LNPK: variants seen among roughly 807,000 people sequenced by gnomAD.
LNPK encodes the protein endoplasmic reticulum junction formation protein lunapark.
In LNPK, 29 loss-of-function variants were observed where a neutral mutation model predicts 55.2. The ratio of observed to expected loss-of-function variants is 0.53; its 90% CI spans 0.39 to 0.72. LNPK has a LOEUF of 0.72. Among genes scored for constraint, LNPK ranks in the 30% least tolerant of loss-of-function variants. LNPK has a pLI of 0.00. For missense variants in LNPK, 467 were observed against 494.8 expected, an observed-to-expected ratio of 0.94 and a Z score of 0.53; for synonymous variants, 162 against 168.2, an observed-to-expected ratio of 0.96 and a Z score of 0.29.
rs1684174745 is a variant in LNPK at position 175,929,813 on chromosome 2, T to C, written c.*154A>G. The stretch of plus-strand genomic sequence containing the variant: ...TTTTAATTTTAATACCCAGTATATA[T>C]AACTTTGAGATGTTCAAATAGCTAG... On this transcript the variant is annotated 3_prime_UTR_variant, in exon 13 of 13. Coordinates refer to ENST00000272748, the MANE Select transcript of LNPK (RefSeq NM_030650.3). 8 of 1,448,382 alleles carry C rather than the reference T, an allele frequency of 5.5e-6. No homozygotes were observed. Among genetic ancestry groups the C allele is most frequent in the Middle Eastern group, 3.8e-4 (2 of 5,216 alleles). 89.7% of individuals were successfully genotyped at this position (1,448,382 alleles called of 1,614,324 possible).
At chr2:175,949,058 T>C (rs1028725000) in intron 8 of LNPK, among the ~76,000 whole-genome samples, 3 of 152,198 alleles carry the variant, frequency 2.0e-5, no homozygotes, top group Admixed American at 6.5e-5. Context: ...ACAGTTTTTG[T>C]ACACAACTAA....
intron 9 of LNPK, chr2:175,940,887 T>C (rs1684803911): frequency 7.6e-6 from 3 of 392,342 alleles, no homozygotes; most frequent in South Asian, 1.8e-5. Context: ...CCACAGATTA[T>C]GTGTACAACA....
chr2:175,945,143 C>G (rs1390578070), intron 9 of LNPK, among the ~76,000 whole-genome samples: 6 of 151,642 alleles, frequency 4.0e-5, no homozygotes, highest in Admixed American at 3.9e-4. Context: ...AGGTGATCTG[C>G]CCATCTCCGC....
intron 4 of LNPK, among the ~76,000 whole-genome samples, chr2:175,988,808 C>T (rs1467402562): frequency 6.6e-6 from 1 of 152,110 alleles, no homozygotes; most frequent in Non-Finnish European, 1.5e-5. Flanking sequence ...ATTTTTGAGT[C>T]TGTCGCCCAG....
Position 175,948,365 on chromosome 2 carries a change from T to C in LNPK, c.494-673A>G, listed in dbSNP as rs1020891749. 2.0e-5 allele frequency among the ~76,000 whole-genome samples: 3 copies of C among 152,238 alleles called. No individual in the cohort carries two copies. In the South Asian group the frequency reaches 6.2e-4, roughly 31 times the overall value. On this transcript the variant is annotated intron_variant, in intron 8 of 12. Transcript: ENST00000272748. ...AGCATGCCAAATTCAGGCTGCCGCC[T>C]GCTTTTGTAGTTTTATTAGAACACA...
chr2:175,935,078 A>G (rs186975265), intron 12 of LNPK, among the ~76,000 whole-genome samples: 172 of 151,372 alleles, frequency 1.1e-3, no homozygotes, highest in African/African-American at 4.1e-3. Flanking sequence ...TCACAGATTG[A>G]AAAAAAAATA....
intron 8 of LNPK, 45 bp downstream of exon 8, chr2:175,964,327 A>G (rs1339198422): frequency 5.2e-6 from 8 of 1,534,300 alleles, no homozygotes; most frequent in Admixed American, 5.1e-5. Context: ...TTGGGTAATT[A>G]TGGATCTTTC....
At chr2:175,990,668 C>T (rs756252216) in intron 4 of LNPK, among the ~76,000 whole-genome samples, 10 of 152,148 alleles carry the variant, frequency 6.6e-5, no homozygotes, top group Non-Finnish European at 1.5e-4. Flanking sequence ...TCCACTTTCA[C>T]ATTGTTTTAT....
chr2:175,940,781 A>G lies in LNPK; in HGVS notation c.707-1124T>C, dbSNP rs144602329. Among the ~76,000 whole-genome samples the G allele has an allele frequency of 1.6e-4, 25 of 152,346 alleles. No homozygotes were observed. In the East Asian group the frequency reaches 4.6e-3, roughly 28 times the overall value. ...ATATTTCATATGTTTGAGAATCTAA[A>G]GATTCAGTATGCTAAGTAGACATAA... On this transcript the variant is annotated intron_variant, in intron 9 of 12. Transcript: ENST00000272748.
At position 175,929,205 on chromosome 2, in the gene LNPK, A is replaced by G; in HGVS notation, c.*762T>C. 1 of 960,892 alleles carries G rather than the reference A, an allele frequency of 1.0e-6. No homozygotes were observed. Among genetic ancestry groups the G allele is most frequent in the Non-Finnish European group, 1.2e-6 (1 of 807,320 alleles). 59.5% of individuals were successfully genotyped at this position (960,892 alleles called of 1,614,324 possible). ...ATATATCATCATTTTATACTTATAA[A>G]TAATGCTCAGAATTCAAATAGGGTC... is the stretch of plus-strand genomic sequence containing the variant. On this transcript the variant is annotated 3_prime_UTR_variant, in exon 13 of 13. Coordinates refer to ENST00000272748, the MANE Select transcript of LNPK (RefSeq NM_030650.3).
chr2:175,984,775 T>C (rs1335913113), intron 4 of LNPK, among the ~76,000 whole-genome samples: 1 of 152,142 alleles, frequency 6.6e-6, no homozygotes, highest in African/African-American at 2.4e-5. Flanking sequence ...AAATGTAAAA[T>C]GGTATAGCTA....
At chr2:175,937,054 C>T (rs1316507077) in intron 12 of LNPK, among the ~76,000 whole-genome samples, 2 of 151,928 alleles carry the variant, frequency 1.3e-5, no homozygotes, top group African/African-American at 4.8e-5. Flanking sequence ...AAAACTTAAC[C>T]CATGAAAATA....
At chr2:175,941,919 G>A (rs1044210722) in intron 9 of LNPK, among the ~76,000 whole-genome samples, 10 of 147,650 alleles carry the variant, frequency 6.8e-5, no homozygotes, top group Non-Finnish European at 1.3e-4. Flanking sequence ...CAGAAAAGAC[G>A]CAAACCAGAA....
chr2:176,002,589 G>A (rs529038684), upstream of LNPK: 4 of 192,946 alleles, frequency 2.1e-5, no homozygotes, highest in East Asian at 7.4e-4. Context: ...AACTGGTCCT[G>A]GTGGTCTCAG....
chr2:176,000,404 T>C (rs537700363), intron 1 of LNPK, among the ~76,000 whole-genome samples: 35 of 152,230 alleles, frequency 2.3e-4, no homozygotes, highest in Admixed American at 3.9e-4. Flanking sequence ...GTCCGACACA[T>C]AGTAGTAACT....
At chr2:175,932,201 A>G (rs1684310674) in intron 12 of LNPK, 1 of 454,904 alleles carries the variant, frequency 2.2e-6, no homozygotes, top group Admixed American at 2.4e-5. Context: ...GGCTTGTCAT[A>G]TTAAAGTTTT....
intron 8 of LNPK, among the ~76,000 whole-genome samples, chr2:175,958,891 C>T (rs1022214892): frequency 6.6e-6 from 1 of 152,098 alleles, no homozygotes; most frequent in Non-Finnish European, 1.5e-5. Flanking sequence ...CCTGATGGAG[C>T]TGAAAACCAT....
intron 1 of LNPK, among the ~76,000 whole-genome samples, chr2:175,999,915 G>A (rs573307828): frequency 1.3e-5 from 2 of 152,142 alleles, no homozygotes; most frequent in South Asian, 4.2e-4. Flanking sequence ...ACAGGTGTAT[G>A]CCACCACTCC....
chr2:175,939,992 T>C (rs1422839869), intron 9 of LNPK, among the ~76,000 whole-genome samples: 1 of 152,094 alleles, frequency 6.6e-6, no homozygotes, highest in African/African-American at 2.4e-5. Flanking sequence ...TACGTGATAG[T>C]AAATCAGGGG....
Sources: allele counts gnomAD v4.1 joint callset (sites outside exome capture counted in the v4.1 genomes callset), GRCh38; gene constraint gnomAD v4.1.1; transcripts MANE v1.5; gene names NCBI Gene and HGNC (gene_info 2026-07-23, HGNC 2026-07-21).